Variants in RPTOR observed in about 807,000 individuals in gnomAD.
RPTOR encodes the protein regulatory-associated protein of mTOR.
RPTOR carries 21 observed loss-of-function variants against 169.9 expected under a neutral mutation model. The observed-to-expected ratio is 0.12, with a 90% CI of 0.09 to 0.18. The LOEUF is 0.18. Among genes scored for constraint, RPTOR ranks in the 10% least tolerant of loss-of-function variants. The probability of loss-of-function intolerance (pLI) is 1.00; values close to 1 mark genes in which losing one functional copy is unlikely to be tolerated. For missense variants in RPTOR, 1,133 were observed against 1,855.9 expected, an observed-to-expected ratio of 0.61 and a Z score of 7.16; for synonymous variants, 732 against 753.2, an observed-to-expected ratio of 0.97 and a Z score of 0.46.
At chr17:80,837,686 A>C (rs2067579616) in intron 9 of RPTOR, among the ~76,000 whole-genome samples, 1 of 152,144 alleles carries the variant, frequency 6.6e-6, no homozygotes, top group Non-Finnish European at 1.5e-5. Context: ...AATGGTGAGG[A>C]TGCTGGCAGC....
intron 1 of RPTOR, among the ~76,000 whole-genome samples, chr17:80,594,042 C>G (rs1444868677): frequency 6.6e-6 from 1 of 151,890 alleles, no homozygotes; most frequent in Non-Finnish European, 1.5e-5. Flanking sequence ...TCTTTCCTTC[C>G]TTCCTTTCTT....
At chr17:80,618,267 G>A (rs560048150) in intron 1 of RPTOR, among the ~76,000 whole-genome samples, 11 of 152,324 alleles carry the variant, frequency 7.2e-5, no homozygotes, top group African/African-American at 2.2e-4. Context: ...GATGACAGGC[G>A]TGAGCCACCA....
intron 1 of RPTOR, among the ~76,000 whole-genome samples, chr17:80,554,813 A>G (rs866945914): frequency 4.6e-5 from 7 of 152,192 alleles, no homozygotes; most frequent in Non-Finnish European, 8.8e-5. Flanking sequence ...GTTGTCTTCT[A>G]TGAAGCTGGA....
intron 24 of RPTOR, among the ~76,000 whole-genome samples, chr17:80,929,504 C>A (rs1462608076): frequency 6.6e-6 from 1 of 152,252 alleles, no homozygotes. Flanking sequence ...AGTCGATACG[C>A]TGTTGGGAGG....
intron 3 of RPTOR, among the ~76,000 whole-genome samples, chr17:80,688,458 T>C (rs1422573232): frequency 2.0e-5 from 3 of 152,246 alleles, no homozygotes; most frequent in Non-Finnish European, 4.4e-5. Flanking sequence ...TGGTTCAGTA[T>C]TGTCAGGTTC....
At chr17:80,618,447 C>T (rs566405419) in intron 1 of RPTOR, among the ~76,000 whole-genome samples, 1 of 152,330 alleles carries the variant, frequency 6.6e-6, no homozygotes, top group East Asian at 1.9e-4. Flanking sequence ...GATGTTGGAA[C>T]TAAACTCATA....
At chr17:80,850,078 A>G (rs995942198) in intron 11 of RPTOR, among the ~76,000 whole-genome samples, 1 of 152,176 alleles carries the variant, frequency 6.6e-6, no homozygotes, top group African/African-American at 2.4e-5. Context: ...TTTCTTTTCA[A>G]TAGATCCAGG....
chr17:80,833,889 C>T (rs867565778), intron 9 of RPTOR, among the ~76,000 whole-genome samples: 1 of 152,070 alleles, frequency 6.6e-6, no homozygotes, highest in South Asian at 2.1e-4. Flanking sequence ...CTCAGGAGAC[C>T]GAGGCAGGAG....
At chr17:80,737,298 G>A (rs1289790867) in intron 5 of RPTOR, among the ~76,000 whole-genome samples, 1 of 152,178 alleles carries the variant, frequency 6.6e-6, no homozygotes, top group Non-Finnish European at 1.5e-5. Flanking sequence ...CTGCTGCGCT[G>A]GGGACTCATG....
At chr17:80,617,365 C>T (rs1342863254) in intron 1 of RPTOR, among the ~76,000 whole-genome samples, 5 of 152,182 alleles carry the variant, frequency 3.3e-5, no homozygotes, top group Non-Finnish European at 7.3e-5. Context: ...AATTCACATA[C>T]CCCAGAGTTC....
chr17:80,780,076 C>T (rs951591715), intron 6 of RPTOR, among the ~76,000 whole-genome samples: 2 of 152,162 alleles, frequency 1.3e-5, no homozygotes, highest in African/African-American at 4.8e-5. Context: ...TGCTCAGTAG[C>T]CTTCAGCCAG....
At chr17:80,618,723 C>G (rs1294970069) in intron 1 of RPTOR, among the ~76,000 whole-genome samples, 10 of 152,222 alleles carry the variant, frequency 6.6e-5, no homozygotes, top group Admixed American at 4.6e-4. Context: ...GAGCTGAGCT[C>G]ATAGATTCAA....
Position 80,902,897 on chromosome 17 carries a change from T to G in RPTOR, c.2402-5914T>G, listed in dbSNP as rs529528259. On this transcript the variant is annotated intron_variant, in intron 20 of 33. Coordinates refer to ENST00000306801, the MANE Select transcript of RPTOR (RefSeq NM_020761.3). ...GGCCAGAGTCCAAGCACACCCGTGC[T>G]GAGAGGCGAGGCGGGAGTTAATTCT... 2.0e-5 allele frequency among the ~76,000 whole-genome samples: 3 copies of G among 152,324 alleles called. No individual in the cohort carries two copies. In the South Asian group the frequency reaches 6.2e-4, roughly 32 times the overall value.
At chr17:80,833,800 A>T (rs1417242719) in intron 9 of RPTOR, among the ~76,000 whole-genome samples, 4 of 152,230 alleles carry the variant, frequency 2.6e-5, no homozygotes, top group Non-Finnish European at 5.9e-5. Context: ...GACCCGCCTG[A>T]CCAACATGGT....
chr17:80,699,967 A>C (rs1489713506), intron 3 of RPTOR, among the ~76,000 whole-genome samples: 2 of 152,154 alleles, frequency 1.3e-5, no homozygotes, highest in African/African-American at 4.8e-5. Context: ...AAGAGCATCC[A>C]AGAAGGATGC....
intron 4 of RPTOR, among the ~76,000 whole-genome samples, chr17:80,718,588 G>A (rs971727446): frequency 2.6e-5 from 4 of 152,202 alleles, no homozygotes; most frequent in African/African-American, 9.6e-5. Context: ...CCTGGAGAAG[G>A]CGGTGCTTGC....
intron 1 of RPTOR, among the ~76,000 whole-genome samples, chr17:80,600,973 A>G (rs2065181506): frequency 6.6e-6 from 1 of 151,664 alleles, no homozygotes; most frequent in Non-Finnish European, 1.5e-5. Context: ...TCCCATTGAG[A>G]GGCGAAGTTG....
At chr17:80,563,522 G>A (rs1462013130) in intron 1 of RPTOR, among the ~76,000 whole-genome samples, 7 of 121,140 alleles carry the variant, frequency 5.8e-5, no homozygotes, top group South Asian at 2.6e-4. Context: ...CCGAGACTGC[G>A]CCACTGCATT....
intron 9 of RPTOR, among the ~76,000 whole-genome samples, chr17:80,835,054 G>C (rs767443224): frequency 8.5e-5 from 13 of 152,192 alleles, no homozygotes; most frequent in Non-Finnish European, 1.8e-4. Context: ...GCCTGCAGCT[G>C]GGGATTTACT....
Sources: allele counts gnomAD v4.1 joint callset (sites outside exome capture counted in the v4.1 genomes callset), GRCh38; gene constraint gnomAD v4.1.1; transcripts MANE v1.5; gene names NCBI Gene and HGNC (gene_info 2026-07-23, HGNC 2026-07-21).